Variants in UBASH3B observed in about 807,000 individuals in gnomAD.
The protein encoded by UBASH3B is ubiquitin associated and SH3 domain containing B, also known as ubiquitin-associated and SH3 domain-containing protein B.
In UBASH3B, 37 loss-of-function variants were observed where a neutral mutation model predicts 83.4. That is an observed-to-expected ratio of 0.44 (90% confidence interval 0.34 to 0.58). The LOEUF (loss-of-function observed/expected upper bound fraction) is 0.58, where lower values mean the gene tolerates loss of function less well. Ranked by LOEUF, UBASH3B falls within the 20% of genes least tolerant of loss-of-function variation. UBASH3B has a pLI of 0.01. For missense variants in UBASH3B, 657 were observed against 827.2 expected (o/e 0.79, Z 2.52); for synonymous variants, 304 against 318.3 (o/e 0.96, Z 0.48).
intron 1 of UBASH3B, among the ~76,000 whole-genome samples, chr11:122,733,577 C>A (rs1329912933): frequency 1.3e-5 from 2 of 152,238 alleles, no homozygotes; most frequent in Admixed American, 6.5e-5. Flanking sequence ...TGTTGACAGA[C>A]AATCTACTTC....
intron 1 of UBASH3B, among the ~76,000 whole-genome samples, chr11:122,768,642 A>T (rs1860594043): frequency 6.6e-6 from 1 of 151,852 alleles, no homozygotes; most frequent in Admixed American, 6.6e-5. Flanking sequence ...AGTAGCTGGG[A>T]TTATAGGCAG....
Position 122,758,966 on chromosome 11 carries a change from TCAG to T in UBASH3B, c.162-17250_162-17248del, listed in dbSNP as rs372643764. Reference sequence around the variant, plus strand: ...GCTAGGTGTTTTCACTTTTTATGACTCAGCACTCTAACTTTAGTGGCTTAAAAC... The same window carrying T: ...GCTAGGTGTTTTCACTTTTTATGACTCACTCTAACTTTAGTGGCTTAAAAC... On this transcript the variant is annotated intron_variant, in intron 1 of 13. Coordinates refer to ENST00000284273, the MANE Select transcript of UBASH3B (RefSeq NM_032873.5). This position sits in a 1 kb window ranked among gnomAD's most constrained non-coding sequence, Gnocchi z 4.2. 4.4e-3 allele frequency among the ~76,000 whole-genome samples: 668 copies of T among 152,306 alleles called. 4 individuals carry two copies. Among genetic ancestry groups the T allele is most frequent in the African/African-American group, 0.015 (619 of 41,558 alleles).
intron 1 of UBASH3B, among the ~76,000 whole-genome samples, chr11:122,722,521 A>G (rs998185578): frequency 1.8e-4 from 27 of 152,124 alleles, no homozygotes; most frequent in Admixed American, 4.6e-4. Flanking sequence ...GGCAGAAGGA[A>G]CCATCTAGAT....
At chr11:122,702,470 G>A (rs1057473528) in intron 1 of UBASH3B, among the ~76,000 whole-genome samples, 3 of 151,842 alleles carry the variant, frequency 2.0e-5, no homozygotes, top group Non-Finnish European at 4.4e-5. Flanking sequence ...TGCAAGAAAC[G>A]TGTTTGGAGT....
At chr11:122,734,353 C>T (rs1860897972) in intron 1 of UBASH3B, among the ~76,000 whole-genome samples, 1 of 152,212 alleles carries the variant, frequency 6.6e-6, no homozygotes. Context: ...GAGGAAAGGA[C>T]TTGGCCTGAG....
chr11:122,666,713 A>G (rs10892875), intron 1 of UBASH3B, among the ~76,000 whole-genome samples: 59,545 of 152,086 alleles, frequency 0.39, 11,799 homozygotes, highest in African/African-American at 0.42. Context: ...CACCGCGCCC[A>G]GCTGCAGTTT....
intron 1 of UBASH3B, among the ~76,000 whole-genome samples, chr11:122,736,993 T>C (rs559409701): frequency 1.3e-5 from 2 of 152,202 alleles, no homozygotes; most frequent in South Asian, 4.1e-4. Flanking sequence ...GATATTACTG[T>C]AGGGAAGGGA....
chr11:122,779,378 G>T, intron 3 of UBASH3B, 119 bp from the exon 4 acceptor site: 1 of 1,067,004 alleles, frequency 9.4e-7, no homozygotes, highest in East Asian at 2.5e-5. Context: ...AGGGGTAGTG[G>T]TTAAGTAATT....
chr11:122,703,306 A>T (rs934005043), intron 1 of UBASH3B, among the ~76,000 whole-genome samples: 3 of 152,070 alleles, frequency 2.0e-5, no homozygotes, highest in Non-Finnish European at 4.4e-5. Flanking sequence ...GGGTGCCTGT[A>T]GTCCCAGCTA....
chr11:122,801,144 A>C (rs1248416282), intron 10 of UBASH3B, 44 bp from the exon 11 acceptor site: 2 of 1,603,200 alleles, frequency 1.2e-6, no homozygotes, highest in Non-Finnish European at 1.7e-6. Context: ...TGGCCTGAGA[A>C]TCCACAGGCA....
At chr11:122,739,989 T>G (rs1161022715) in intron 1 of UBASH3B, among the ~76,000 whole-genome samples, 1 of 152,246 alleles carries the variant, frequency 6.6e-6, no homozygotes, top group Non-Finnish European at 1.5e-5. Flanking sequence ...CTAGAAAAGC[T>G]GTAATATGGA....
chr11:122,747,074 T>G (rs558928760), intron 1 of UBASH3B, among the ~76,000 whole-genome samples: 13 of 151,824 alleles, frequency 8.6e-5, no homozygotes, highest in African/African-American at 3.1e-4. Context: ...GGCTGCGGGG[T>G]GGGGGTGGTC....
At chr11:122,726,313 A>T (rs145713101) in intron 1 of UBASH3B, 1 of 149,612 alleles carries the variant, frequency 6.7e-6, no homozygotes, top group African/African-American at 2.5e-5. Context: ...TAAAAAGATC[A>T]CCTTTCGGCA....
At chr11:122,674,058 G>C (rs1269022356) in intron 1 of UBASH3B, among the ~76,000 whole-genome samples, 3 of 152,130 alleles carry the variant, frequency 2.0e-5, no homozygotes, top group Non-Finnish European at 2.9e-5. Flanking sequence ...GATATGGCTA[G>C]AGAATGAGCT....
At chr11:122,780,075 T>C (rs1591810519) in intron 4 of UBASH3B, among the ~76,000 whole-genome samples, 2 of 152,320 alleles carry the variant, frequency 1.3e-5, no homozygotes, top group Admixed American at 1.3e-4. Context: ...GGTGTTTATC[T>C]GGGTCTCATT....
At chr11:122,771,399 C>G (rs148648235) in intron 1 of UBASH3B, among the ~76,000 whole-genome samples, 2,505 of 152,154 alleles carry the variant, frequency 0.016, 72 homozygotes, top group African/African-American at 0.058. Context: ...CGCCACCACG[C>G]CCGGCTAATT....
chr11:122,701,669 A>G (rs2135929240), intron 1 of UBASH3B, among the ~76,000 whole-genome samples: 1 of 152,246 alleles, frequency 6.6e-6, no homozygotes, highest in South Asian at 2.1e-4. Context: ...AACTAAGAGT[A>G]TTCAGGGATA....
At chr11:122,702,512 G>GA (rs930084041) in intron 1 of UBASH3B, among the ~76,000 whole-genome samples, 1 of 149,792 alleles carries the variant, frequency 6.7e-6, no homozygotes, top group Non-Finnish European at 1.5e-5. Context: ...TAAGCAGTAG[G>GA]AAAAAAAATC....
At chr11:122,754,759 G>A (rs748036340) in intron 1 of UBASH3B, among the ~76,000 whole-genome samples, 3 of 152,160 alleles carry the variant, frequency 2.0e-5, no homozygotes, top group African/African-American at 4.8e-5. Context: ...AAGAGAATCC[G>A]CAGCACACAG....
Sources: allele counts gnomAD v4.1 joint callset (sites outside exome capture counted in the v4.1 genomes callset), GRCh38; gene constraint gnomAD v4.1.1; non-coding constraint Gnocchi (gnomAD v3.1); transcripts MANE v1.5; gene names NCBI Gene and HGNC (gene_info 2026-07-23, HGNC 2026-07-21).